Variants in SEM1 observed in about 807,000 individuals in gnomAD.
The protein encoded by SEM1 is SEM1 26S proteasome subunit.
Under a neutral mutation model 12.7 loss-of-function variants are expected in SEM1, and 3 were observed. That is an observed-to-expected ratio of 0.24 (90% CI 0.11 to 0.61). SEM1 has a LOEUF of 0.61. Among genes scored for constraint, SEM1 ranks in the 20% least tolerant of loss-of-function variants. The pLI, the probability that SEM1 is intolerant of heterozygous loss-of-function variation, is 0.88. For missense variants in SEM1, 59 were observed against 81.3 expected, an observed-to-expected ratio of 0.73 and a Z score of 1.06; for synonymous variants, 30 against 27.8, an observed-to-expected ratio of 1.08 and a Z score of -0.25.
At chr7:96,629,940 C>T (rs1381782069) in intron 2 of SEM1, among the ~76,000 whole-genome samples, 3 of 152,166 alleles carry the variant, frequency 2.0e-5, no homozygotes, top group Non-Finnish European at 2.9e-5. Context: ...TGTGGATTAC[C>T]AGACTGAGAC....
intron 3 of SEM1, among the ~76,000 whole-genome samples, chr7:96,505,753 G>A (rs1050381795): frequency 6.6e-6 from 1 of 152,002 alleles, no homozygotes; most frequent in African/African-American, 2.4e-5. Flanking sequence ...TCTCTTATAA[G>A]GGCACTAATC....
intron 2 of SEM1, among the ~76,000 whole-genome samples, chr7:96,691,576 C>G (rs1268873427): frequency 1.3e-5 from 2 of 152,198 alleles, no homozygotes; most frequent in African/African-American, 4.8e-5. Flanking sequence ...CATCAGACAA[C>G]AGTAAACTCC....
chr7:96,689,500 T>C (rs896016382), intron 2 of SEM1, among the ~76,000 whole-genome samples: 3 of 152,210 alleles, frequency 2.0e-5, no homozygotes, highest in Non-Finnish European at 4.4e-5. Context: ...TATGACAAAA[T>C]TAGTAGATGG....
chr7:96,529,896 C>T (rs1390645294), intron 2 of SEM1, among the ~76,000 whole-genome samples: 1 of 152,088 alleles, frequency 6.6e-6, no homozygotes, highest in African/African-American at 2.4e-5. Flanking sequence ...TTCTGAATTA[C>T]AGTAGAGGAG....
chr7:96,571,209 T>C (rs989106534), intron 2 of SEM1, among the ~76,000 whole-genome samples: 3 of 152,194 alleles, frequency 2.0e-5, no homozygotes, highest in African/African-American at 7.2e-5. Context: ...TTTAGTTTAA[T>C]TAGATCCCAT....
chr7:96,625,426 A>C (rs931579603), intron 2 of SEM1, among the ~76,000 whole-genome samples: 1 of 152,194 alleles, frequency 6.6e-6, no homozygotes, highest in African/African-American at 2.4e-5. Flanking sequence ...CAAGAGCAAA[A>C]GGGATGAAAT....
At chr7:96,692,612 T>G (rs770863698) in intron 2 of SEM1, among the ~76,000 whole-genome samples, 1 of 152,062 alleles carries the variant, frequency 6.6e-6, no homozygotes. Context: ...ATAGAATTAA[T>G]CTGATCCTCG....
chr7:96,703,526 T>C (rs1353773751), intron 1 of SEM1, among the ~76,000 whole-genome samples: 2 of 152,182 alleles, frequency 1.3e-5, no homozygotes, highest in Non-Finnish European at 2.9e-5. Flanking sequence ...GGAGTTTATC[T>C]TATAGATTAG....
At chr7:96,680,261 T>A (rs936632485) in intron 2 of SEM1, among the ~76,000 whole-genome samples, 3 of 152,084 alleles carry the variant, frequency 2.0e-5, no homozygotes, top group African/African-American at 7.2e-5. Context: ...CCCTAGTACT[T>A]CTGTAATAAA....
intron 2 of SEM1, among the ~76,000 whole-genome samples, chr7:96,544,610 C>A (rs1461189780): frequency 6.6e-6 from 1 of 151,872 alleles, no homozygotes; most frequent in African/African-American, 2.4e-5. Context: ...ACTGACCTAC[C>A]TTGCAGTTGA....
chr7:96,629,021 G>A (rs1389099013), intron 2 of SEM1, among the ~76,000 whole-genome samples: 1 of 152,154 alleles, frequency 6.6e-6, no homozygotes, highest in Non-Finnish European at 1.5e-5. Context: ...ACATATGGGA[G>A]CTCCATTGTA....
At chr7:96,583,658 G>T (rs1174742166) in intron 2 of SEM1, among the ~76,000 whole-genome samples, 2 of 150,448 alleles carry the variant, frequency 1.3e-5, no homozygotes, top group Non-Finnish European at 2.9e-5. Context: ...GGGTGCTCCT[G>T]TATTGGGTGC....
At chr7:96,581,291 C>T (rs1279907873) in intron 2 of SEM1, among the ~76,000 whole-genome samples, 6 of 152,024 alleles carry the variant, frequency 3.9e-5, no homozygotes, top group South Asian at 2.1e-4. Flanking sequence ...AGATATGCGG[C>T]GTTATTTCTG....
chr7:96,690,824 G>A (rs952354910), intron 2 of SEM1, among the ~76,000 whole-genome samples: 2 of 152,154 alleles, frequency 1.3e-5, no homozygotes, highest in African/African-American at 4.8e-5. Flanking sequence ...AGGCTGGAGT[G>A]CAGTGGTGCC....
rs537362130 is a variant in SEM1 at position 96,514,470 on chromosome 7, T to C, written c.171-7772A>G. 4.8e-4 allele frequency among the ~76,000 whole-genome samples: 73 copies of C among 152,102 alleles called. 3 individuals are homozygous for C. In the South Asian group the frequency reaches 0.014, roughly 30 times the overall value. On this transcript the variant is annotated intron_variant and NMD_transcript_variant, in intron 2 of 3. Transcript: ENST00000466986. ...AGATATACAGATGGGAAAGAAGAAA[T>C]AAAACTGTCTTTCTTCACAGATGAC...
chr7:96,548,517 AG>A (rs1227416827), intron 2 of SEM1, among the ~76,000 whole-genome samples: 1 of 152,166 alleles, frequency 6.6e-6, no homozygotes, highest in Non-Finnish European at 1.5e-5. Flanking sequence ...CTAAATTCTG[AG>A]AAACCCTACT....
intron 2 of SEM1, among the ~76,000 whole-genome samples, chr7:96,682,670 A>G (rs1414859010): frequency 6.6e-6 from 1 of 152,116 alleles, no homozygotes; most frequent in Non-Finnish European, 1.5e-5. Flanking sequence ...GAACTGACAA[A>G]TGGGATCTAA....
intron 2 of SEM1, among the ~76,000 whole-genome samples, chr7:96,677,337 T>C (rs1367304548): frequency 1.3e-5 from 2 of 152,202 alleles, no homozygotes; most frequent in African/African-American, 4.8e-5. Context: ...TTGGTGGTTA[T>C]CGTCATCTTT....
At chr7:96,485,075 G>A (rs1002663602) in intron 2 of SEM1, among the ~76,000 whole-genome samples, 2 of 152,170 alleles carry the variant, frequency 1.3e-5, no homozygotes, top group African/African-American at 4.8e-5. Flanking sequence ...AACAAACTTT[G>A]AGGTCCTCCA....
Sources: allele counts gnomAD v4.1 joint callset (sites outside exome capture counted in the v4.1 genomes callset), GRCh38; gene constraint gnomAD v4.1.1; transcripts MANE v1.5; gene names NCBI Gene and HGNC (gene_info 2026-07-23, HGNC 2026-07-21).